Variants in KCNQ5 observed in about 807,000 individuals in gnomAD.
The protein encoded by KCNQ5 is potassium voltage-gated channel subfamily Q member 5, also known as potassium voltage-gated channel subfamily KQT member 5.
A neutral mutation model predicts 98.2 loss-of-function variants in KCNQ5; 30 were observed. The observed-to-expected ratio is 0.31, with a 90% CI of 0.23 to 0.41. The LOEUF (loss-of-function observed/expected upper bound fraction) is 0.41, where lower values mean the gene tolerates loss of function less well. Ranked by LOEUF, KCNQ5 falls within the 10% of genes least tolerant of loss-of-function variation. The pLI, the probability that KCNQ5 is intolerant of heterozygous loss-of-function variation, is 1.00. For missense variants in KCNQ5, 835 were observed against 1,182.5 expected (o/e 0.71, Z 4.31); for synonymous variants, 458 against 449.4 (o/e 1.02, Z -0.24).
At chr6:73,132,258 C>G (rs1339085880) in intron 9 of KCNQ5, among the ~76,000 whole-genome samples, 1 of 152,174 alleles carries the variant, frequency 6.6e-6, no homozygotes. Flanking sequence ...CGGCTTTACT[C>G]TCTCAGAGTA....
chr6:73,051,914 A>G (rs1372370849), intron 3 of KCNQ5, among the ~76,000 whole-genome samples: 1 of 152,126 alleles, frequency 6.6e-6, no homozygotes, highest in Non-Finnish European at 1.5e-5. Context: ...AAAAAGAGAA[A>G]TCAGAATGTG....
intron 1 of KCNQ5, among the ~76,000 whole-genome samples, chr6:72,786,642 AGT>A: frequency 6.6e-6 from 1 of 152,284 alleles, no homozygotes; most frequent in East Asian, 1.9e-4. Context: ...ATTTATTCAA[AGT>A]CCTAAAGTTT....
intron 1 of KCNQ5, among the ~76,000 whole-genome samples, chr6:72,807,627 GCCT>G (rs1775020365): frequency 1.3e-5 from 2 of 152,016 alleles, no homozygotes; most frequent in Admixed American, 1.3e-4. Context: ...CTTTGCCTCA[GCCT>G]CCTAAGTAAC....
At chr6:73,106,520 A>G (rs1775008341) in intron 6 of KCNQ5, among the ~76,000 whole-genome samples, 2 of 152,228 alleles carry the variant, frequency 1.3e-5, no homozygotes, top group East Asian at 1.9e-4. Flanking sequence ...GAGCCATGAG[A>G]GAAAGAACTG....
intron 5 of KCNQ5, among the ~76,000 whole-genome samples, chr6:73,091,967 G>A (rs1448098889): frequency 6.6e-6 from 1 of 151,990 alleles, no homozygotes; most frequent in African/African-American, 2.4e-5. Flanking sequence ...CGTGAGCATT[G>A]GATATGTTTC....
intron 1 of KCNQ5, among the ~76,000 whole-genome samples, chr6:72,731,824 C>T (rs957788994): frequency 6.6e-6 from 1 of 151,992 alleles, no homozygotes; most frequent in African/African-American, 2.4e-5. Context: ...AGTCCTGCCA[C>T]GAGGAACAAA....
intron 1 of KCNQ5, among the ~76,000 whole-genome samples, chr6:72,758,938 ACATCACCCAG>A (rs1772112041): frequency 6.6e-6 from 1 of 152,182 alleles, no homozygotes; most frequent in African/African-American, 2.4e-5. Context: ...GTGGTTATTA[ACATCACCCAG>A]AATGGCCAGA....
intron 1 of KCNQ5, among the ~76,000 whole-genome samples, chr6:72,973,002 A>G (rs1349438445): frequency 6.6e-6 from 1 of 152,172 alleles, no homozygotes; most frequent in East Asian, 1.9e-4. Context: ...TAGGCCTTCT[A>G]ATGTGTAATT....
At chr6:73,025,623 C>CAAAAAAAAAAAAAA (rs58607159) in intron 2 of KCNQ5, among the ~76,000 whole-genome samples, 52 of 52,976 alleles carry the variant, frequency 9.8e-4, no homozygotes, top group East Asian at 2.5e-3. Flanking sequence ...AACTCCATCT[C>CAAAAAAAAAAAAAA]AAAAAAAAAA....
chr6:73,155,900 T>C (rs1327027052), intron 10 of KCNQ5, among the ~76,000 whole-genome samples: 2 of 152,218 alleles, frequency 1.3e-5, no homozygotes, highest in Non-Finnish European at 2.9e-5. Context: ...AGTATTTTTC[T>C]GGGTTCCTTA....
intron 1 of KCNQ5, among the ~76,000 whole-genome samples, chr6:72,781,737 TG>T (rs1773484709): frequency 6.6e-6 from 1 of 152,202 alleles, no homozygotes; most frequent in Admixed American, 6.5e-5. Context: ...ACAATTTCTA[TG>T]CTTGAAAAAA....
At chr6:72,756,246 C>T (rs1323178582) in intron 1 of KCNQ5, among the ~76,000 whole-genome samples, 3 of 152,146 alleles carry the variant, frequency 2.0e-5, no homozygotes, top group Non-Finnish European at 4.4e-5. Flanking sequence ...TACTTGGCTG[C>T]CTTGAACCTC....
chr6:72,786,833 C>T lies in KCNQ5; in HGVS notation c.398+164246C>T, dbSNP rs186754827. Among the ~76,000 whole-genome samples, 291 of 151,616 alleles carry T rather than the reference C, an allele frequency of 1.9e-3. 3 individuals are homozygous for T. Among genetic ancestry groups the T allele is most frequent in the Admixed American group, 0.013 (202 of 15,220 alleles). ...CATCCTGGCTAACACAGTGAAACCC[C>T]ATCTCTACTAAAAATACAAAAAATT... On this transcript the variant is annotated intron_variant, in intron 1 of 13. Coordinates refer to ENST00000370398, the MANE Select transcript of KCNQ5 (RefSeq NM_019842.4).
At chr6:72,658,621 G>C (rs1342325537) in intron 1 of KCNQ5, among the ~76,000 whole-genome samples, 158 of 114,486 alleles carry the variant, frequency 1.4e-3, no homozygotes, top group Middle Eastern at 0.016. Context: ...TGCTCTGTCA[G>C]CCAGGCTGGA....
At chr6:73,056,855 T>C (rs977219599) in intron 3 of KCNQ5, among the ~76,000 whole-genome samples, 1 of 152,036 alleles carries the variant, frequency 6.6e-6, no homozygotes, top group Non-Finnish European at 1.5e-5. Context: ...TGTGGAGAAA[T>C]AGGAACATTT....
rs529839036 is a variant in KCNQ5 at position 73,100,388 on chromosome 6, C to A, written c.919-4869C>A. ...AGAAAATACAAAAGATTAACAAGGC[C>A]AGGCACTGTGGCTCACGCCTGTAAT... On this transcript the variant is annotated intron_variant, in intron 5 of 13. Transcript: ENST00000370398. Among the ~76,000 whole-genome samples, 177 of 152,146 alleles carry A rather than the reference C, an allele frequency of 1.2e-3. 1 individual carries two copies. The highest frequency in any genetic ancestry group is 4.0e-3 in the African/African-American group (168 of 41,536).
chr6:72,706,898 G>A (rs1433693848), intron 1 of KCNQ5, among the ~76,000 whole-genome samples: 1 of 152,014 alleles, frequency 6.6e-6, no homozygotes, highest in African/African-American at 2.4e-5. Flanking sequence ...AATTTTCCAT[G>A]CTCATTCATA....
intron 2 of KCNQ5, among the ~76,000 whole-genome samples, chr6:73,021,460 T>A (rs1770603132): frequency 6.6e-6 from 1 of 152,194 alleles, no homozygotes; most frequent in Non-Finnish European, 1.5e-5. Context: ...TTATAACTAT[T>A]TGATGTTTGC....
At chr6:72,651,368 A>G (rs1050560356) in intron 1 of KCNQ5, among the ~76,000 whole-genome samples, 1 of 152,116 alleles carries the variant, frequency 6.6e-6, no homozygotes, top group Non-Finnish European at 1.5e-5. Flanking sequence ...TACTTGGGCT[A>G]TGACTCCTTC....
Sources: allele counts gnomAD v4.1 joint callset (sites outside exome capture counted in the v4.1 genomes callset), GRCh38; gene constraint gnomAD v4.1.1; transcripts MANE v1.5; gene names NCBI Gene and HGNC (gene_info 2026-07-23, HGNC 2026-07-21).